The following KCTD1 variants were observed in gnomAD, a reference collection of about 807,000 sequenced individuals.
The protein encoded by KCTD1 is potassium channel tetramerization domain containing 1, also known as BTB/POZ domain-containing protein KCTD1.
A neutral mutation model predicts 66.0 loss-of-function variants in KCTD1; 24 were observed. The observed-to-expected ratio is 0.36, with a 90% CI of 0.26 to 0.51. The LOEUF (loss-of-function observed/expected upper bound fraction) is 0.51. Among genes scored for constraint, KCTD1 ranks in the 20% least tolerant of loss-of-function variants. KCTD1 has a pLI of 0.95. For synonymous variants in KCTD1, 511 were observed against 517.2 expected, an observed-to-expected ratio of 0.99 and a Z score of 0.16; for missense variants, 943 against 1,205.2, an observed-to-expected ratio of 0.78 and a Z score of 3.22.
intron 1 of KCTD1, among the ~76,000 whole-genome samples, chr18:26,542,663 A>G (rs1003513018): frequency 6.6e-6 from 1 of 152,194 alleles, no homozygotes; most frequent in African/African-American, 2.4e-5. Context: ...CTTGAAAACT[A>G]CTTAGTAATG....
At chr18:26,566,381 C>T (rs1005379523) in intron 1 of KCTD1, 1 of 152,310 alleles carries the variant, frequency 6.6e-6, no homozygotes, top group Non-Finnish European at 1.5e-5. Context: ...CACTTCCCAC[C>T]CCACCAGGCC....
intron 1 of KCTD1, among the ~76,000 whole-genome samples, chr18:26,608,405 T>TAG (rs1338780535): frequency 6.6e-6 from 1 of 152,236 alleles, no homozygotes; most frequent in Admixed American, 6.5e-5. Flanking sequence ...CCGATTCACC[T>TAG]AGAGCTTCAT....
intron 3 of KCTD1, among the ~76,000 whole-genome samples, chr18:26,467,884 G>A (rs1317056592): frequency 6.6e-6 from 1 of 152,180 alleles, no homozygotes; most frequent in Admixed American, 6.5e-5. Context: ...CCAGGGCTAG[G>A]TAAGTTGGGA....
At chr18:26,506,256 G>A (rs2144698801) in intron 1 of KCTD1, among the ~76,000 whole-genome samples, 1 of 152,282 alleles carries the variant, frequency 6.6e-6, no homozygotes, top group South Asian at 2.1e-4. Context: ...AACAAAACAG[G>A]CTGGTCTCTG....
intron 1 of KCTD1, chr18:26,591,623 T>C (rs1292709830): frequency 6.6e-6 from 1 of 152,124 alleles, no homozygotes; most frequent in African/African-American, 2.4e-5. Context: ...GCTCAAAAGG[T>C]GTGCAAAAGG....
chr18:26,472,878 C>T (rs564425556), intron 3 of KCTD1, among the ~76,000 whole-genome samples: 1 of 152,324 alleles, frequency 6.6e-6, no homozygotes, highest in South Asian at 2.1e-4. Context: ...CTGCTCTCTT[C>T]AACTATGCCA....
chr18:26,630,344 G>A (rs149253810), upstream of KCTD1, among the ~76,000 whole-genome samples: 1 of 152,038 alleles, frequency 6.6e-6, no homozygotes, highest in African/African-American at 2.4e-5. Context: ...TAGAGGTAAG[G>A]TCTCACTGTC....
chr18:26,533,591 C>T (rs1273652352), intron 1 of KCTD1, among the ~76,000 whole-genome samples: 1 of 152,110 alleles, frequency 6.6e-6, no homozygotes, highest in African/African-American at 2.4e-5. Flanking sequence ...CCTCCACCTC[C>T]CAGGCTCAAG....
intron 1 of KCTD1, among the ~76,000 whole-genome samples, chr18:26,647,339 C>CCCCT (rs1555649531): frequency 6.7e-6 from 1 of 149,394 alleles, no homozygotes; most frequent in East Asian, 2.0e-4. Flanking sequence ...AAACCCCCCC[C>CCCCT]CCATCTCTAC....
intron 1 of KCTD1, chr18:26,599,507 T>G: frequency 1.9e-6 from 3 of 1,593,860 alleles, no homozygotes; most frequent in Non-Finnish European, 2.6e-6. Context: ...AGCTTCAAGG[T>G]TAACTGGCAA....
rs534201007 is a variant in KCTD1, at chr18:26,514,273, C to T, written c.1810-13023G>A. Among the ~76,000 whole-genome samples, 4 of 151,974 alleles carry T rather than the reference C, an allele frequency of 2.6e-5. No individual in the cohort carries two copies. The East Asian group carries it at 7.7e-4, about 29-fold the overall frequency. Reference sequence around the variant, plus strand: ...TTTAAAGGTGTGGGGGAGGAGAGAGCCAAGCACAGTGGCTCATGCTTATAA... The same window carrying T: ...TTTAAAGGTGTGGGGGAGGAGAGAGTCAAGCACAGTGGCTCATGCTTATAA... On this transcript the variant is annotated intron_variant, in intron 1 of 4. Coordinates refer to ENST00000580059, the MANE Select transcript of KCTD1 (RefSeq NM_001142730.3).
intron 2 of KCTD1, among the ~76,000 whole-genome samples, chr18:26,488,557 G>A (rs938039597): frequency 3.9e-5 from 6 of 152,044 alleles, no homozygotes; most frequent in Non-Finnish European, 7.4e-5. Context: ...GGGAGTTCAG[G>A]AACACACTCA....
upstream of KCTD1, among the ~76,000 whole-genome samples, chr18:26,633,190 C>T (rs533883158): frequency 6.6e-6 from 1 of 152,166 alleles, no homozygotes; most frequent in South Asian, 2.1e-4. Flanking sequence ...ATGTAATATA[C>T]ATCATATATC....
At chr18:26,550,651 C>A (rs1355134148), upstream of KCTD1, among the ~76,000 whole-genome samples, 4 of 152,054 alleles carry the variant, frequency 2.6e-5, no homozygotes, top group Non-Finnish European at 5.9e-5. This position sits in a 1 kb window ranked among gnomAD's most constrained non-coding sequence, Gnocchi z 5.4. Flanking sequence ...GTCCGGGAAT[C>A]GTCCCCGAGG....
At chr18:26,572,188 T>A (rs1184335372) in intron 1 of KCTD1, among the ~76,000 whole-genome samples, 1 of 151,946 alleles carries the variant, frequency 6.6e-6, no homozygotes, top group African/African-American at 2.4e-5. Context: ...GCCTCCCGAG[T>A]ACCTGGGACT....
intron 2 of KCTD1, among the ~76,000 whole-genome samples, chr18:26,498,023 T>A (rs1169232582): frequency 6.6e-6 from 1 of 152,176 alleles, no homozygotes; most frequent in Non-Finnish European, 1.5e-5. Flanking sequence ...ATGAAGACAA[T>A]GCTACATGTT....
chr18:26,600,213 C>T (rs1377012189), intron 1 of KCTD1: 16 of 1,600,916 alleles, frequency 1.0e-5, no homozygotes, highest in Non-Finnish European at 1.4e-5. Flanking sequence ...GCTCCCAGCC[C>T]AAGTCGGCTT....
chr18:26,500,108 C>G (rs754594608), intron 2 of KCTD1, among the ~76,000 whole-genome samples: 2 of 151,796 alleles, frequency 1.3e-5, no homozygotes, highest in African/African-American at 4.8e-5. Flanking sequence ...ATAGCGCGAC[C>G]CCATCTCTAC....
Position 26,547,484 on chromosome 18 carries a change from G to C in KCTD1, c.1053C>G (p.Leu351=), listed in dbSNP as rs1485064344. The C allele has an allele frequency of 1.3e-6, 2 of 1,551,530 alleles. No individual in the cohort carries two copies. The highest frequency in any genetic ancestry group is 1.4e-5 in the African/African-American group (1 of 73,198). Residue 351 remains leucine (L), a synonymous_variant, in exon 1 of 5, where the codon CTC becomes CTG. Transcript: ENST00000580059. ...DGRKFVYFKS[L]GPYHKSRSSS... ...ACGAGCGCGACTTGTGGTAGGGCCC[G>C]AGGGACTTGAAGTAGACGAACTTGC...
Sources: gnomAD v4.1 joint callset for allele counts (sites outside exome capture counted in the v4.1 genomes callset) on GRCh38, gnomAD v4.1.1 for gene constraint, Gnocchi (gnomAD v3.1) non-coding constraint, MANE v1.5 for transcripts, NCBI Gene and HGNC (gene_info 2026-07-23, HGNC 2026-07-21) for gene names.